The following ZHX2 variants were observed in gnomAD, a reference collection of about 807,000 sequenced individuals.
ZHX2 encodes the protein zinc fingers and homeoboxes protein 2.
In ZHX2, 6 loss-of-function variants were observed where a neutral mutation model predicts 21.9. That is an observed-to-expected ratio of 0.27 (90% CI 0.15 to 0.54). The LOEUF (loss-of-function observed/expected upper bound fraction) is 0.54, where lower values mean the gene tolerates loss of function less well. Ranked by LOEUF, ZHX2 falls within the 20% of genes least tolerant of loss-of-function variation. ZHX2 has a pLI of 0.95. For synonymous variants in ZHX2, 434 were observed against 437.1 expected, an observed-to-expected ratio of 0.99 and a Z score of 0.09; for missense variants, 908 against 1,090.7, an observed-to-expected ratio of 0.83 and a Z score of 2.36.
At chr8:122,877,590 A>T (rs2129752303) in intron 2 of ZHX2, among the ~76,000 whole-genome samples, 1 of 152,242 alleles carries the variant, frequency 6.6e-6, no homozygotes, top group East Asian at 1.9e-4. Flanking sequence ...CTTCATCTGG[A>T]TTTGCTGCCT....
intron 1 of ZHX2, among the ~76,000 whole-genome samples, chr8:122,858,797 T>C (rs7827179): frequency 0.67 from 102,217 of 151,974 alleles, 35,099 homozygotes; most frequent in African/African-American, 0.82. Context: ...TGTGCCACTA[T>C]ACCCAGCTAA....
At chr8:122,905,033 A>AGT (rs1820313641) in intron 2 of ZHX2, among the ~76,000 whole-genome samples, 1 of 152,248 alleles carries the variant, frequency 6.6e-6, no homozygotes, top group Non-Finnish European at 1.5e-5. Context: ...CATCAGAGCC[A>AGT]GTGGGCCAGA....
chr8:122,907,332 A>T (rs1462268042), intron 2 of ZHX2, among the ~76,000 whole-genome samples: 1 of 152,182 alleles, frequency 6.6e-6, no homozygotes, highest in Non-Finnish European at 1.5e-5. Context: ...AAGGCGGGAC[A>T]TCTTGAAGCA....
intron 1 of ZHX2, among the ~76,000 whole-genome samples, chr8:122,791,219 A>G (rs1381034649): frequency 2.0e-5 from 3 of 152,236 alleles, no homozygotes; most frequent in Non-Finnish European, 2.9e-5. Context: ...AATTTATTGG[A>G]TGCTCCAAAT....
intron 2 of ZHX2, among the ~76,000 whole-genome samples, chr8:122,925,311 G>A (rs1820823351): frequency 6.6e-6 from 1 of 152,200 alleles, no homozygotes; most frequent in Non-Finnish European, 1.5e-5. Context: ...GCAGCGTAGA[G>A]GAGGACGTGA....
chr8:122,804,542 A>T (rs1817787427), intron 1 of ZHX2, among the ~76,000 whole-genome samples: 1 of 152,208 alleles, frequency 6.6e-6, no homozygotes, highest in Non-Finnish European at 1.5e-5. Flanking sequence ...GTCTCCTGGG[A>T]GGCACATAGG....
At chr8:122,969,997 A>C (rs993268558) in intron 3 of ZHX2, among the ~76,000 whole-genome samples, 3 of 152,032 alleles carry the variant, frequency 2.0e-5, no homozygotes, top group East Asian at 3.9e-4. Flanking sequence ...ACAGAAAGGG[A>C]GGGTGGGAGG....
chr8:122,966,577 GT>G (rs1327464261), intron 3 of ZHX2, among the ~76,000 whole-genome samples: 1 of 152,088 alleles, frequency 6.6e-6, no homozygotes, highest in Non-Finnish European at 1.5e-5. Context: ...TGCCTCACAG[GT>G]CTTAAGATTC....
At chr8:122,891,864 C>G (rs185537766) in intron 2 of ZHX2, among the ~76,000 whole-genome samples, 25 of 152,242 alleles carry the variant, frequency 1.6e-4, no homozygotes, top group Non-Finnish European at 3.1e-4. Context: ...GGAGAATGTT[C>G]CATGTGCTAA....
At chr8:122,879,882 G>A (rs1819663960) in intron 2 of ZHX2, among the ~76,000 whole-genome samples, 1 of 151,920 alleles carries the variant, frequency 6.6e-6, no homozygotes, top group African/African-American at 2.4e-5. Context: ...TAAGGACTAG[G>A]ATTCTTGAGT....
intron 1 of ZHX2, among the ~76,000 whole-genome samples, chr8:122,786,831 A>G (rs1817405899): frequency 6.6e-6 from 1 of 151,952 alleles, no homozygotes; most frequent in African/African-American, 2.4e-5. Context: ...TGTCATAGCC[A>G]CATCCAGACA....
chr8:122,892,077 A>G (rs1272048657), intron 2 of ZHX2, among the ~76,000 whole-genome samples: 1 of 152,150 alleles, frequency 6.6e-6, no homozygotes, highest in Non-Finnish European at 1.5e-5. Flanking sequence ...AGGTCTAGCA[A>G]TGTATGCTTT....
chr8:122,818,933 C>T (rs1818085128), intron 1 of ZHX2, among the ~76,000 whole-genome samples: 1 of 152,198 alleles, frequency 6.6e-6, no homozygotes, highest in Non-Finnish European at 1.5e-5. Flanking sequence ...ATCAGGAACC[C>T]ATCTCAGGCA....
At chr8:122,913,309 T>A (rs879271957) in intron 2 of ZHX2, among the ~76,000 whole-genome samples, 3 of 152,260 alleles carry the variant, frequency 2.0e-5, no homozygotes, top group Non-Finnish European at 2.9e-5. Context: ...TCGACTATCA[T>A]AAATAGTGCT....
At chr8:122,930,664 T>C (rs1411673769) in intron 2 of ZHX2, among the ~76,000 whole-genome samples, 5 of 151,780 alleles carry the variant, frequency 3.3e-5, no homozygotes, top group Admixed American at 2.6e-4. Context: ...TTTTTTTATT[T>C]TTTTCAGTAG....
chr8:122,856,277 G>A (rs915011436), intron 1 of ZHX2, among the ~76,000 whole-genome samples: 8 of 152,040 alleles, frequency 5.3e-5, no homozygotes, highest in African/African-American at 1.7e-4. Flanking sequence ...ATTGTTCCTC[G>A]GAGTGGAGTT....
At chr8:122,912,359 G>A (rs964612073) in intron 2 of ZHX2, among the ~76,000 whole-genome samples, 2 of 152,188 alleles carry the variant, frequency 1.3e-5, no homozygotes, top group Admixed American at 6.5e-5. Flanking sequence ...TGGGCAGCAC[G>A]AGCATGGCCT....
chr8:122,793,770 A>T (rs371286115), intron 1 of ZHX2, among the ~76,000 whole-genome samples: 1 of 151,934 alleles, frequency 6.6e-6, no homozygotes, highest in South Asian at 2.1e-4. Flanking sequence ...GCTCAAATGG[A>T]CTCACCCCTC....
chr8:122,864,353 C>T (rs920971702), intron 2 of ZHX2, among the ~76,000 whole-genome samples: 4 of 151,930 alleles, frequency 2.6e-5, no homozygotes, highest in Non-Finnish European at 5.9e-5. Flanking sequence ...TGAAATGACC[C>T]TCATGTCTCT....
Sources: gnomAD v4.1 joint callset for allele counts (sites outside exome capture counted in the v4.1 genomes callset) on GRCh38, gnomAD v4.1.1 for gene constraint, MANE v1.5 for transcripts, NCBI Gene and HGNC (gene_info 2026-07-23, HGNC 2026-07-21) for gene names.